Variants in KCNC2 observed in about 807,000 individuals in gnomAD.
The protein encoded by KCNC2 is voltage-gated potassium channel KCNC2.
KCNC2 carries 21 observed loss-of-function variants against 44.5 expected under a neutral mutation model. The ratio of observed to expected loss-of-function variants is 0.47; its 90% CI spans 0.33 to 0.68. KCNC2 has a LOEUF of 0.68. Ranked by LOEUF, KCNC2 falls within the 30% of genes least tolerant of loss-of-function variation. The pLI is 0.01. For synonymous variants in KCNC2, 391 were observed against 339.1 expected (o/e 1.15, Z -1.68); for missense variants, 589 against 826.2 (o/e 0.71, Z 3.52).
In KCNC2 at chr12:75,107,195, T is replaced by A. The variant is rs941822339; in HGVS notation, c.688-55878A>T. 5.9e-5 allele frequency among the ~76,000 whole-genome samples: 9 copies of A among 152,140 alleles called. No homozygotes were observed. The South Asian group carries it at 1.2e-3, about 21-fold the overall frequency. ...GTCACACACCTGTGGTCCCAGCTAC[T>A]CTGGAGGCTGAGGCAGCAGAATCGT... On this transcript the variant is annotated intron_variant, in intron 2 of 4. Coordinates refer to ENST00000549446, the MANE Select transcript of KCNC2 (RefSeq NM_139137.4).
At chr12:75,190,497 G>A (rs1195374443) in intron 2 of KCNC2, among the ~76,000 whole-genome samples, 1 of 152,148 alleles carries the variant, frequency 6.6e-6, no homozygotes, top group African/African-American at 2.4e-5. Context: ...TGTGCTCACA[G>A]CATAGAAATG....
intron 2 of KCNC2, among the ~76,000 whole-genome samples, chr12:75,176,288 G>A (rs987109416): frequency 6.6e-6 from 1 of 151,936 alleles, no homozygotes; most frequent in Non-Finnish European, 1.5e-5. Context: ...AGCTGAAATG[G>A]GGACTAGAGA....
chr12:75,182,214 C>T, intron 2 of KCNC2, among the ~76,000 whole-genome samples: 1 of 151,530 alleles, frequency 6.6e-6, no homozygotes, highest in East Asian at 1.9e-4. Flanking sequence ...AAGTGCATAC[C>T]CTGCTTGTCA....
rs76389717 is a variant in KCNC2 at position 75,133,829 on chromosome 12, G to C, written c.687+73468C>G. Reference sequence around the variant, plus strand: ...TAGAACATATATCCTGTGCAAACTGGGCTAGGCAGTAACAAGAGAGTGATG... The same window carrying C: ...TAGAACATATATCCTGTGCAAACTGCGCTAGGCAGTAACAAGAGAGTGATG... On this transcript the variant is annotated intron_variant, in intron 2 of 4. Transcript: ENST00000549446. 9.6e-3 allele frequency among the ~76,000 whole-genome samples: 1,459 copies of C among 151,908 alleles called. 23 individuals carry two copies. The highest frequency in any genetic ancestry group is 0.033 in the African/African-American group (1,372 of 41,442).
intron 2 of KCNC2, among the ~76,000 whole-genome samples, chr12:75,147,304 G>A (rs77375516): frequency 6.6e-6 from 1 of 151,736 alleles, no homozygotes; most frequent in African/African-American, 2.4e-5. Context: ...TTTTTTCGTG[G>A]GAAAGAAGAC....
intron 2 of KCNC2, among the ~76,000 whole-genome samples, chr12:75,061,577 ACACACACACACAC>A (rs1882334393): frequency 1.2e-5 from 1 of 80,490 alleles, no homozygotes; most frequent in African/African-American, 5.4e-5. Flanking sequence ...ACACACACAC[ACACACACACACAC>A]ACACACACAC....
chr12:75,119,795 T>G (rs930510656), intron 2 of KCNC2, among the ~76,000 whole-genome samples: 4 of 152,212 alleles, frequency 2.6e-5, no homozygotes, highest in Admixed American at 2.6e-4. Context: ...AAAGATTTTC[T>G]TTGAGAATTA....
chr12:75,090,684 GA>G (rs1565846098), intron 2 of KCNC2, among the ~76,000 whole-genome samples: 1 of 151,490 alleles, frequency 6.6e-6, no homozygotes, highest in Non-Finnish European at 1.5e-5. Context: ...TCACTTCCTC[GA>G]TATATAGAGT....
chr12:75,108,276 A>G (rs185835379), intron 2 of KCNC2, among the ~76,000 whole-genome samples: 15 of 152,314 alleles, frequency 9.8e-5, no homozygotes, highest in South Asian at 4.1e-4. Context: ...TGGGCAAGCT[A>G]CTTAACTTCT....
At chr12:75,048,022 T>G (rs971939706) in intron 4 of KCNC2, 131 bp downstream of exon 4, 11 of 743,972 alleles carry the variant, frequency 1.5e-5, no homozygotes, top group Non-Finnish European at 2.0e-5. Flanking sequence ...GAAGATGTAA[T>G]GAAGAGAGGA....
At chr12:75,168,375 C>T (rs970361533) in intron 2 of KCNC2, among the ~76,000 whole-genome samples, 21 of 151,430 alleles carry the variant, frequency 1.4e-4, no homozygotes, top group African/African-American at 4.6e-4. Context: ...ATTTTGAAAA[C>T]AGGGAACTGA....
At chr12:75,146,600 T>C (rs1045483604) in intron 2 of KCNC2, among the ~76,000 whole-genome samples, 1 of 152,234 alleles carries the variant, frequency 6.6e-6, no homozygotes, top group Non-Finnish European at 1.5e-5. Flanking sequence ...AGTGCAACCA[T>C]TACCATGCTT....
At chr12:75,126,428 C>G (rs1288551707) in intron 2 of KCNC2, among the ~76,000 whole-genome samples, 2 of 152,112 alleles carry the variant, frequency 1.3e-5, no homozygotes, top group Non-Finnish European at 2.9e-5. Context: ...AAGAATACAA[C>G]TTGAATAAAG....
chr12:75,092,492 T>C (rs1225365621), intron 2 of KCNC2, among the ~76,000 whole-genome samples: 1 of 151,660 alleles, frequency 6.6e-6, no homozygotes, highest in African/African-American at 2.4e-5. Context: ...AAAAAGCTTA[T>C]TTTTCATTGC....
chr12:75,045,458 T>A (rs963562168), intron 4 of KCNC2, among the ~76,000 whole-genome samples: 1 of 152,004 alleles, frequency 6.6e-6, no homozygotes, highest in Admixed American at 6.6e-5. Context: ...TATTTATTAG[T>A]AAAACTATAT....
chr12:75,111,081 A>G (rs1887199851), intron 2 of KCNC2, among the ~76,000 whole-genome samples: 1 of 152,202 alleles, frequency 6.6e-6, no homozygotes, highest in African/African-American at 2.4e-5. Flanking sequence ...TTAATCAATG[A>G]GAATGTTTAA....
At chr12:75,170,256 A>G (rs1173382222) in intron 2 of KCNC2, among the ~76,000 whole-genome samples, 1 of 151,680 alleles carries the variant, frequency 6.6e-6, no homozygotes, top group Non-Finnish European at 1.5e-5. Flanking sequence ...AGATAGCAAA[A>G]TGGAGGCTTA....
chr12:75,206,838 C>T (rs778452381), intron 2 of KCNC2, among the ~76,000 whole-genome samples: 4 of 152,178 alleles, frequency 2.6e-5, no homozygotes, highest in Admixed American at 6.5e-5. Context: ...ATTCAACCCC[C>T]AATTGGAGCC....
intron 2 of KCNC2, among the ~76,000 whole-genome samples, chr12:75,115,018 C>T (rs1027160607): frequency 1.3e-5 from 2 of 151,978 alleles, no homozygotes; most frequent in African/African-American, 2.4e-5. Context: ...CGCCCGCCAC[C>T]ACGCCCGGCT....
Sources: gnomAD v4.1 joint callset for allele counts (sites outside exome capture counted in the v4.1 genomes callset) on GRCh38, gnomAD v4.1.1 for gene constraint, MANE v1.5 for transcripts, NCBI Gene and HGNC (gene_info 2026-07-23, HGNC 2026-07-21) for gene names.